The following PRMT1 variants were observed in gnomAD, a reference collection of about 807,000 sequenced individuals.
The protein encoded by PRMT1 is protein arginine methyltransferase 1.
In PRMT1, 5 loss-of-function variants were observed where a neutral mutation model predicts 47.4. That is an observed-to-expected ratio of 0.11 (90% CI 0.06 to 0.22). The LOEUF is 0.22. PRMT1 is among the 10% of genes least tolerant of loss of function. The probability of loss-of-function intolerance (pLI) is 1.00; values close to 1 mark genes in which losing one functional copy is unlikely to be tolerated. For synonymous variants in PRMT1, 227 were observed against 204.6 expected (o/e 1.11, Z -0.94); for missense variants, 249 against 518.4 (o/e 0.48, Z 5.05).
Position 49,685,090 on chromosome 19 carries a change from C to T in PRMT1, c.759+53C>T, listed in dbSNP as rs1225269878. ...CCCTGGGTTGAAACCAAAGAGAGGC[C>T]ATCACCTGGCCCTGGCATGGGACTT... On this transcript the variant is annotated intron_variant, in intron 8 of 10. Coordinates refer to ENST00000454376, the MANE Select transcript of PRMT1 (RefSeq NM_001536.6). This position sits in a 1 kb window ranked among gnomAD's most constrained non-coding sequence, Gnocchi z 4.7. 1.2e-6 allele frequency: 2 copies of T among 1,611,768 alleles called. No individual in the cohort carries two copies. The highest frequency in any genetic ancestry group is 1.3e-5 in the African/African-American group (1 of 75,018).
At position 49,688,263 on chromosome 19, in the gene PRMT1, C is replaced by G. The variant is rs1427551373; in HGVS notation, c.*18C>G. On this transcript the variant is annotated 3_prime_UTR_variant, in exon 11 of 11. Transcript: ENST00000454376. This position sits in a 1 kb window ranked among gnomAD's most constrained non-coding sequence, Gnocchi z 5.3. ...TGCGCTGAGGCCCGGCTCTCCCGCC[C>G]TGCACGAGCCCAGGGGCTGAGCGTT... is the stretch of plus-strand genomic sequence containing the variant. 1.2e-6 allele frequency: 2 copies of G among 1,612,118 alleles called. No homozygotes were observed. The highest frequency in any genetic ancestry group is 1.7e-5 in the Admixed American group (1 of 60,008).
intron 9 of PRMT1, 39 bp from the exon 10 acceptor site, chr19:49,686,566 G>GGTGGGGGGGGGGGGGGGGGGC: frequency 7.6e-7 from 1 of 1,315,716 alleles, no homozygotes; most frequent in Non-Finnish European, 1.1e-6. Context: ...GTTGGGGGGG[G>GGTGGGGGGGGGGGGGGGGGGC]CAGCAGGCCG....
intron 5 of PRMT1, among the ~76,000 whole-genome samples, chr19:49,682,779 A>ATT (rs58218406): frequency 0.012 from 837 of 71,010 alleles, no homozygotes; most frequent in Non-Finnish European, 0.015. Context: ...CATCCCCAGC[A>ATT]TTTTTTTTTT....
At position 49,685,241 on chromosome 19, in the gene PRMT1, C is replaced by T. The variant is rs1388003441; in HGVS notation, c.759+204C>T. The T allele has an allele frequency of 3.3e-5, 49 of 1,489,218 alleles. No individual in the cohort carries two copies. The highest frequency in any genetic ancestry group is 4.3e-5 in the Non-Finnish European group (48 of 1,120,526). 92.3% of individuals were successfully genotyped at this position (1,489,218 alleles called of 1,614,324 possible). On this transcript the variant is annotated intron_variant, in intron 8 of 10. Coordinates refer to ENST00000454376, the MANE Select transcript of PRMT1 (RefSeq NM_001536.6). The surrounding 1 kb of genome is among the most constrained non-coding windows in gnomAD (Gnocchi z 4.7). ...TGAGCGCTGCTGTGTGAGAACCATG[C>T]TTGGCACTTGGCTTCTGGCGGAGGA...
Position 49,683,986 on chromosome 19 carries a change from A to G in PRMT1, c.472A>G (p.Ile158Val). ...EVELPVEKVDIIISEWMGYCL... is the reference protein window; with the variant it reads ...EVELPVEKVDVIISEWMGYCL... Reference sequence around the variant, plus strand: ...GGAGCTCCCAGTGGAGAAGGTGGACATCATCATCAGCGAGTGGATGGGCTA... The same window carrying G: ...GGAGCTCCCAGTGGAGAAGGTGGACGTCATCATCAGCGAGTGGATGGGCTA... The change falls in exon 6 of 11, where the codon ATC becomes GTC. Residue 158 changes from isoleucine (I) to valine (V), a missense_variant. Coordinates refer to ENST00000454376, the MANE Select transcript of PRMT1 (RefSeq NM_001536.6). 6.2e-7 allele frequency: 1 copy of G among 1,614,108 alleles called. No homozygotes were observed. The highest frequency in any genetic ancestry group is 1.1e-5 in the South Asian group (1 of 91,084).
Position 49,685,295 on chromosome 19 carries a change from C to T in PRMT1, c.759+258C>T, listed in dbSNP as rs1010360689. On this transcript the variant is annotated intron_variant, in intron 8 of 10. Transcript: ENST00000454376. The surrounding 1 kb of genome is among the most constrained non-coding windows in gnomAD (Gnocchi z 4.7). The stretch of plus-strand genomic sequence containing the variant: ...ACCCAAAGCTGGCAGCTAAAGCCCA[C>T]AGCCCATGCACGGAAAGGCAGGACC... 3 of 1,410,752 alleles carry T rather than the reference C, an allele frequency of 2.1e-6. No individual in the cohort carries two copies. Among genetic ancestry groups the T allele is most frequent in the Admixed American group, 2.5e-5 (1 of 39,276 alleles). The allele number at this position is 1,410,752 out of a possible 1,614,324, so 87.4% of individuals were successfully genotyped here.
chr19:49,684,849 C>A lies in PRMT1; in HGVS notation c.643+8C>A. The A allele has an allele frequency of 1.9e-6, 3 of 1,612,288 alleles. No individual in the cohort carries two copies. Among genetic ancestry groups the A allele is most frequent in the Non-Finnish European group, 2.5e-6 (3 of 1,178,958 alleles). ...AAGACTACAAGATCCACTGTGAGCG[C>A]GGCCCGGGAGCTGGCGGGCGGGGCC... On this transcript the variant is annotated splice_region_variant and intron_variant, in intron 7 of 10. Coordinates refer to ENST00000454376, the MANE Select transcript of PRMT1 (RefSeq NM_001536.6). The surrounding 1 kb of genome is among the most constrained non-coding windows in gnomAD (Gnocchi z 6.2).
upstream of PRMT1, chr19:49,677,204 T>C (rs1185499162): frequency 3.0e-6 from 4 of 1,324,360 alleles, no homozygotes; most frequent in East Asian, 2.8e-5. Flanking sequence ...GTGGACCCTC[T>C]GGTATAAGGC....
chr19:49,687,816 G>A (rs921722516), intron 10 of PRMT1: 16 of 372,066 alleles, frequency 4.3e-5, no homozygotes, highest in African/African-American at 2.0e-4. Flanking sequence ...TGTTTCACTG[G>A]AACGTTTGCC....
intron 1 of PRMT1, 120 bp downstream of exon 1, chr19:49,677,436 G>C: frequency 2.4e-6 from 2 of 842,136 alleles, no homozygotes; most frequent in Non-Finnish European, 3.3e-6. Flanking sequence ...CGCCGCACAC[G>C]GGGGCGCCGC....
At position 49,680,193 on chromosome 19, in the gene PRMT1, A is replaced by C; in HGVS notation, c.90+268A>C. On this transcript the variant is annotated intron_variant, in intron 2 of 10. Transcript: ENST00000454376. The surrounding 1 kb of genome is among the most constrained non-coding windows in gnomAD (Gnocchi z 4.2). ...CCATTTTCCTTCCCCTCCCCTCCCC[A>C]GCTGTGGGCTGAGCTAGAGACGGGG... is the stretch of plus-strand genomic sequence containing the variant. The C allele has an allele frequency of 6.3e-7, 1 of 1,585,872 alleles. No individual in the cohort carries two copies. The highest frequency in any genetic ancestry group is 8.6e-7 in the Non-Finnish European group (1 of 1,163,374).
At chr19:49,683,868 A>G (rs916691327) in intron 5 of PRMT1, 59 bp from the exon 6 acceptor site, 57 of 1,569,510 alleles carry the variant, frequency 3.6e-5, no homozygotes, top group Middle Eastern at 3.4e-4. Context: ...CCCCCGGGGG[A>G]GGTGAGGTGA....
chr19:49,687,995 T>G, intron 10 of PRMT1, 167 bp from the exon 11 acceptor site: 3 of 681,386 alleles, frequency 4.4e-6, no homozygotes, highest in Non-Finnish European at 8.0e-6. Context: ...GTGCTGTCCC[T>G]TGGCAGGGTC....
chr19:49,686,474 T>G, intron 9 of PRMT1, 131 bp from the exon 10 acceptor site: 1 of 1,202,104 alleles, frequency 8.3e-7, no homozygotes, highest in Non-Finnish European at 1.1e-6. Flanking sequence ...CAAAGCTCAA[T>G]GACAGGGAGG....
chr19:49,679,962 C>G, intron 2 of PRMT1, 37 bp downstream of exon 2: 1 of 1,566,068 alleles, frequency 6.4e-7, no homozygotes, highest in Non-Finnish European at 8.8e-7. Context: ...CCCACCCTGA[C>G]CTCCACATCA....
Position 49,680,701 on chromosome 19 carries a change from C to T in PRMT1, c.192+113C>T, listed in dbSNP as rs561237468. Reference sequence around the variant, plus strand: ...CTGCTTCCCCTGGCCGCAGGCCGCCCCCCTGCCCCTCTGCTGCGCACTTCC... The same window carrying T: ...CTGCTTCCCCTGGCCGCAGGCCGCCTCCCTGCCCCTCTGCTGCGCACTTCC... On this transcript the variant is annotated intron_variant, in intron 3 of 10. Transcript: ENST00000454376. This position sits in a 1 kb window ranked among gnomAD's most constrained non-coding sequence, Gnocchi z 4.2. 1.7e-5 allele frequency: 15 copies of T among 858,646 alleles called. No homozygotes were observed. Among genetic ancestry groups the T allele is most frequent in the South Asian group, 1.1e-4 (7 of 66,370 alleles). The allele number at this position is 858,646 out of a possible 1,614,324, so 53.2% of individuals were successfully genotyped here.
In PRMT1 at chr19:49,685,108, T is replaced by C. The variant is rs753731395; in HGVS notation, c.759+71T>C. 46 of 1,599,654 alleles carry C rather than the reference T, an allele frequency of 2.9e-5. 1 individual carries two copies. The highest frequency in any genetic ancestry group is 3.7e-5 in the Non-Finnish European group (43 of 1,173,170). On this transcript the variant is annotated intron_variant, in intron 8 of 10. Transcript: ENST00000454376. This position sits in a 1 kb window ranked among gnomAD's most constrained non-coding sequence, Gnocchi z 4.7. ...GAGAGGCCATCACCTGGCCCTGGCA[T>C]GGGACTTTGGGGCCCAGAATGTTGG...
chr19:49,683,356 A>T (rs535334272), intron 5 of PRMT1, among the ~76,000 whole-genome samples: 71 of 152,156 alleles, frequency 4.7e-4, no homozygotes, highest in Non-Finnish European at 9.3e-4. Flanking sequence ...TGAGAATGTG[A>T]TCATGCTGTT....
In PRMT1 at chr19:49,681,063, A is replaced by G. The variant is rs1170321303; in HGVS notation, c.192+475A>G. On this transcript the variant is annotated intron_variant, in intron 3 of 10. Transcript: ENST00000454376. This position sits in a 1 kb window ranked among gnomAD's most constrained non-coding sequence, Gnocchi z 4.4. ...AATATGCATAAAATTGCCATTTTTT[A>G]TTTTTAGAGACGGTCTCGCTCTGTC... 1.3e-5 allele frequency among the ~76,000 whole-genome samples: 2 copies of G among 152,138 alleles called. No homozygotes were observed. Among genetic ancestry groups the G allele is most frequent in the Admixed American group, 1.3e-4 (2 of 15,262 alleles).
Sources: allele counts gnomAD v4.1 joint callset (sites outside exome capture counted in the v4.1 genomes callset), GRCh38; gene constraint gnomAD v4.1.1; non-coding constraint Gnocchi (gnomAD v3.1); transcripts MANE v1.5; gene names NCBI Gene and HGNC (gene_info 2026-07-23, HGNC 2026-07-21).